Variants in TMEM273 observed in about 807,000 individuals in gnomAD.
TMEM273 encodes the protein chromosome 10 open reading frame 128.
Under a neutral mutation model 17.9 loss-of-function variants are expected in TMEM273, and 19 were observed. The ratio of observed to expected loss-of-function variants is 1.06; its 90% CI spans 0.74 to 1.55. The LOEUF is 1.55. Ranked by LOEUF, TMEM273 falls within the 40% of genes most tolerant of loss-of-function variation. The probability of loss-of-function intolerance (pLI) is 0.00; values close to 1 mark genes in which losing one functional copy is unlikely to be tolerated. For missense variants in TMEM273, 194 were observed against 155.6 expected, an observed-to-expected ratio of 1.25 and a Z score of -1.31; for synonymous variants, 66 against 62.0, an observed-to-expected ratio of 1.07 and a Z score of -0.31.
chr10:49,168,903 G>A lies in TMEM273; in HGVS notation c.44-941C>T, dbSNP rs74812710. On this transcript the variant is annotated intron_variant, in intron 1 of 6. Transcript: ENST00000374153. ...ATTTATTGGCCACTTACTCTGAGAC[G>A]GACACTGGGTGCAGTGCTGGCATTA... 4.9e-4 allele frequency among the ~76,000 whole-genome samples: 74 copies of A among 152,282 alleles called. 2 individuals are homozygous for A. The East Asian group carries it at 0.013, about 27-fold the overall frequency.
At chr10:49,166,660 A>G (rs1846202685) in intron 3 of TMEM273, 1 of 642,648 alleles carries the variant, frequency 1.6e-6, no homozygotes, top group Non-Finnish European at 2.7e-6. Context: ...ACACAAATAG[A>G]GAGACAGAGA....
intron 3 of TMEM273, among the ~76,000 whole-genome samples, chr10:49,166,072 G>C (rs143681973): frequency 1.3e-5 from 2 of 152,232 alleles, no homozygotes; most frequent in East Asian, 3.9e-4. Flanking sequence ...CTCCTCTCCC[G>C]GCCCAGACCA....
At chr10:49,171,589 C>T (rs1296956092) in intron 1 of TMEM273, among the ~76,000 whole-genome samples, 1 of 152,222 alleles carries the variant, frequency 6.6e-6, no homozygotes, top group Non-Finnish European at 1.5e-5. Context: ...GGGCTCCAGC[C>T]CCCTCACAGC....
At chr10:49,160,120 C>A (rs189403915) in intron 6 of TMEM273, among the ~76,000 whole-genome samples, 146 of 152,260 alleles carry the variant, frequency 9.6e-4, no homozygotes, top group African/African-American at 3.1e-3. Context: ...GCAAAAACTG[C>A]TTGAAGCAGG....
chr10:49,162,032 T>C (rs543335192), intron 5 of TMEM273, among the ~76,000 whole-genome samples: 8 of 152,204 alleles, frequency 5.3e-5, no homozygotes, highest in Non-Finnish European at 8.8e-5. Context: ...AGAAAGTTCA[T>C]TGTTGAATAA....
chr10:49,160,212 T>C (rs1228786263), intron 6 of TMEM273: 1 of 152,206 alleles, frequency 6.6e-6, no homozygotes, highest in Non-Finnish European at 1.5e-5. Context: ...CCACCCCTCG[T>C]ATTATTCATT....
Position 49,165,367 on chromosome 10 carries a change from C to A in TMEM273, c.270-84G>T, listed in dbSNP as rs1360191492. On this transcript the variant is annotated intron_variant, in intron 4 of 6. Coordinates refer to ENST00000374153, the MANE Select transcript of TMEM273 (RefSeq NM_001288740.3). ...CGTCCCTGAGGACGTGGGCTCTGTG[C>A]AGAAGAGCAGGGTACCTTGATGCCA... 2.6e-6 allele frequency: 4 copies of A among 1,545,090 alleles called. No individual in the cohort carries two copies. The African/African-American group carries it at 4.1e-5, about 16-fold the overall frequency.
chr10:49,176,424 C>A (rs1846973508), intron 1 of TMEM273, among the ~76,000 whole-genome samples: 1 of 152,234 alleles, frequency 6.6e-6, no homozygotes, highest in Non-Finnish European at 1.5e-5. Flanking sequence ...GATGTTGGTG[C>A]TTCAGACCAG....
chr10:49,176,911 C>A (rs1481148802), intron 1 of TMEM273, among the ~76,000 whole-genome samples: 1 of 152,254 alleles, frequency 6.6e-6, no homozygotes, highest in Non-Finnish European at 1.5e-5. Flanking sequence ...CAGCATGCCA[C>A]ATGTCTAAAT....
At chr10:49,164,778 A>C (rs2132132060) in intron 5 of TMEM273, among the ~76,000 whole-genome samples, 1 of 152,008 alleles carries the variant, frequency 6.6e-6, no homozygotes, top group South Asian at 2.1e-4. Flanking sequence ...GTGGCTATGC[A>C]GCCCTCTGCA....
chr10:49,159,455 A>G (rs1845706607), intron 6 of TMEM273, among the ~76,000 whole-genome samples: 1 of 152,178 alleles, frequency 6.6e-6, no homozygotes, highest in Non-Finnish European at 1.5e-5. Context: ...TAGAATAGAG[A>G]AAATGAGTAA....
intron 1 of TMEM273, among the ~76,000 whole-genome samples, chr10:49,170,211 CT>C (rs1375356870): frequency 1.3e-5 from 2 of 152,244 alleles, no homozygotes; most frequent in African/African-American, 4.8e-5. Context: ...GCTTGAGTCA[CT>C]CAGACCATCA....
In TMEM273 at chr10:49,167,565, C is replaced by T. The variant is rs559520179; in HGVS notation, c.97+344G>A. On this transcript the variant is annotated intron_variant, in intron 2 of 6. Transcript: ENST00000374153. ...GCAGATGAGGCCCTTAAGGGGCAGA[C>T]AGGCTGGAAGCTCGCAGGTGGAGGG... 2.6e-5 allele frequency among the ~76,000 whole-genome samples: 4 copies of T among 152,162 alleles called. No homozygotes were observed. In the South Asian group the frequency reaches 8.3e-4, roughly 32 times the overall value.
At chr10:49,169,093 G>A (rs1024953682) in intron 1 of TMEM273, among the ~76,000 whole-genome samples, 9 of 152,324 alleles carry the variant, frequency 5.9e-5, no homozygotes, top group African/African-American at 1.9e-4. Context: ...GCCTACAGAC[G>A]TGAATGTGAA....
At chr10:49,174,418 C>T (rs1846805335) in intron 1 of TMEM273, among the ~76,000 whole-genome samples, 1 of 152,242 alleles carries the variant, frequency 6.6e-6, no homozygotes, top group African/African-American at 2.4e-5. Flanking sequence ...ACACAGTCCT[C>T]CTACTTCCAG....
chr10:49,179,121 C>A (rs1847183448), intron 1 of TMEM273, among the ~76,000 whole-genome samples: 1 of 152,172 alleles, frequency 6.6e-6, no homozygotes, highest in African/African-American at 2.4e-5. Flanking sequence ...TCACTAAGAA[C>A]CATTATCCAG....
intron 1 of TMEM273, among the ~76,000 whole-genome samples, chr10:49,168,941 C>T (rs1025405029): frequency 1.3e-5 from 2 of 152,182 alleles, no homozygotes; most frequent in African/African-American, 2.4e-5. Context: ...ATATGTAATA[C>T]TCACAGCAAC....
At chr10:49,166,536 C>A in intron 3 of TMEM273, 1 of 322,764 alleles carries the variant, frequency 3.1e-6, no homozygotes, top group Non-Finnish European at 6.0e-6. Flanking sequence ...GTTCCTCTCC[C>A]ACCTTTCTCC....
At chr10:49,158,402 T>G (rs533499457) in intron 6 of TMEM273, among the ~76,000 whole-genome samples, 5 of 152,132 alleles carry the variant, frequency 3.3e-5, no homozygotes, top group Non-Finnish European at 7.4e-5. Flanking sequence ...AATTCTCCAC[T>G]GGGACCTCCC....
Sources: allele counts gnomAD v4.1 joint callset (sites outside exome capture counted in the v4.1 genomes callset), GRCh38; gene constraint gnomAD v4.1.1; transcripts MANE v1.5; gene names NCBI Gene and HGNC (gene_info 2026-07-23, HGNC 2026-07-21).